GAS2L3: variants seen among roughly 807,000 people sequenced by gnomAD.
GAS2L3 encodes the protein growth arrest specific 2 like 3.
In GAS2L3, 28 loss-of-function variants were observed where a neutral mutation model predicts 37.0. That is an observed-to-expected ratio of 0.76 (90% CI 0.56 to 1.04). The LOEUF is 1.04. Among genes scored for constraint, GAS2L3 ranks in the 50% least tolerant of loss-of-function variants. The pLI, the probability that GAS2L3 is intolerant of heterozygous loss-of-function variation, is 0.00. For synonymous variants in GAS2L3, 290 were observed against 296.6 expected, an observed-to-expected ratio of 0.98 and a Z score of 0.23; for missense variants, 793 against 817.6, an observed-to-expected ratio of 0.97 and a Z score of 0.37.
At chr12:100,618,367 C>A in intron 7 of GAS2L3, 82 bp from the exon 8 acceptor site, 1 of 1,411,424 alleles carries the variant, frequency 7.1e-7, no homozygotes, top group Non-Finnish European at 9.6e-7. Context: ...GACTTTACTT[C>A]AGAAAGAAAA....
intron 8 of GAS2L3, among the ~76,000 whole-genome samples, chr12:100,621,224 C>G (rs1481373969): frequency 6.6e-6 from 1 of 151,866 alleles, no homozygotes; most frequent in Non-Finnish European, 1.5e-5. Context: ...TTTTGTGTGG[C>G]AATAATTGAG....
At chr12:100,613,281 C>T (rs908532095) in intron 6 of GAS2L3, among the ~76,000 whole-genome samples, 4 of 152,152 alleles carry the variant, frequency 2.6e-5, no homozygotes, top group Non-Finnish European at 5.9e-5. Context: ...AAAGCACTGC[C>T]AATACCAGTA....
At chr12:100,593,594 A>G (rs940698347) in intron 2 of GAS2L3, 1 of 152,122 alleles carries the variant, frequency 6.6e-6, no homozygotes, top group African/African-American at 2.4e-5. Context: ...TGGCAGCTCC[A>G]ACTGTTAAAG....
intron 1 of GAS2L3, among the ~76,000 whole-genome samples, chr12:100,586,204 A>C (rs1485050776): frequency 6.6e-6 from 1 of 152,226 alleles, no homozygotes; most frequent in East Asian, 1.9e-4. Context: ...ATGGATTTAA[A>C]CTATACCTTG....
chr12:100,583,164 C>T (rs1045299031), intron 1 of GAS2L3, among the ~76,000 whole-genome samples: 1 of 152,232 alleles, frequency 6.6e-6, no homozygotes. Context: ...ATAGGCAGAG[C>T]AGCTCTGCAT....
intron 7 of GAS2L3, 54 bp from the exon 8 acceptor site, chr12:100,618,395 G>T: frequency 6.5e-7 from 1 of 1,543,146 alleles, no homozygotes. Context: ...TGATATGCAG[G>T]CAAGTACTGG....
chr12:100,600,632 G>T, intron 4 of GAS2L3, 82 bp downstream of exon 4: 1 of 1,054,526 alleles, frequency 9.5e-7, no homozygotes, highest in South Asian at 1.3e-5. Flanking sequence ...GTCAAGGAGT[G>T]ATTGTTACAG....
intron 1 of GAS2L3, chr12:100,579,047 A>G (rs780358758): frequency 6.6e-6 from 5 of 757,388 alleles, no homozygotes; most frequent in Non-Finnish European, 1.2e-5. Flanking sequence ...TAACCAGTCT[A>G]TGGCCATGAC....
intron 1 of GAS2L3, chr12:100,579,100 G>A (rs573449671): frequency 1.4e-6 from 1 of 726,104 alleles, no homozygotes; most frequent in East Asian, 2.6e-5. Flanking sequence ...TATTTGTTCA[G>A]GAGAGAGTCA....
At chr12:100,585,704 A>G (rs180762371) in intron 1 of GAS2L3, among the ~76,000 whole-genome samples, 1 of 151,904 alleles carries the variant, frequency 6.6e-6, no homozygotes, top group Non-Finnish European at 1.5e-5. Flanking sequence ...CCTCTCCTTT[A>G]CCCCATCATC....
intron 1 of GAS2L3, chr12:100,579,284 A>G (rs1308022409): frequency 1.6e-6 from 1 of 624,168 alleles, no homozygotes; most frequent in African/African-American, 1.8e-5. Context: ...CACAAGCCGT[A>G]TCATTTGCGT....
chr12:100,575,302 T>A (rs1280500260), intron 1 of GAS2L3, among the ~76,000 whole-genome samples: 1 of 151,930 alleles, frequency 6.6e-6, no homozygotes, highest in East Asian at 1.9e-4. Context: ...ATAGGGATAA[T>A]TATTGTTTAT....
At position 100,623,777 on chromosome 12, in the gene GAS2L3, C is replaced by G. The variant is rs1956290073; in HGVS notation, c.972C>G (p.Asn324Lys). The change falls in exon 10 of 10, where the codon AAC (asparagine) becomes AAG (lysine). Residue 324 changes from asparagine to lysine, a missense_variant. By Grantham distance (94) the Asn-to-Lys change is moderately conservative. Transcript: ENST00000547754. ...PPEMNPLSAVNMFQKQNSKPS... is the reference protein window; with the variant it reads ...PPEMNPLSAVKMFQKQNSKPS... Reference sequence around the variant, plus strand: ...AAATGAATCCTTTGTCAGCAGTTAACATGTTTCAGAAACAAAATTCAAAAC... The same window carrying G: ...AAATGAATCCTTTGTCAGCAGTTAAGATGTTTCAGAAACAAAATTCAAAAC... The G allele has an allele frequency of 6.2e-7, 1 of 1,613,932 alleles. No individual in the cohort carries two copies. The highest frequency in any genetic ancestry group is 1.7e-5 in the Admixed American group (1 of 59,956).
In GAS2L3 at chr12:100,627,865, T is replaced by C. The variant is rs2136627087; in HGVS notation, c.*2975T>C. 6.6e-6 allele frequency: 1 copy of C among 152,318 alleles called. No individual in the cohort carries two copies. The highest frequency in any genetic ancestry group is 2.4e-5 in the African/African-American group (1 of 41,576). The allele number at this position is 152,318 out of a possible 1,614,324, so 9.4% of individuals were successfully genotyped here. ...TCAAAAAAATGGAAAATGCTTTTAT[T>C]TTATTTTCTATAATTTGTTAACATG... is the stretch of plus-strand genomic sequence containing the variant. On this transcript the variant is annotated 3_prime_UTR_variant, in exon 10 of 10. Transcript: ENST00000547754.
intron 5 of GAS2L3, among the ~76,000 whole-genome samples, chr12:100,607,386 A>G (rs1019957610): frequency 6.6e-6 from 1 of 151,930 alleles, no homozygotes; most frequent in Non-Finnish European, 1.5e-5. Context: ...AGTTTATTAA[A>G]TGTCTTGAGG....
At chr12:100,591,468 T>C (rs1275435538) in intron 1 of GAS2L3, among the ~76,000 whole-genome samples, 1 of 152,182 alleles carries the variant, frequency 6.6e-6, no homozygotes, top group Non-Finnish European at 1.5e-5. Flanking sequence ...ATTTTAAAGC[T>C]TTTACTCTCA....
chr12:100,624,122 C>T lies in GAS2L3; in HGVS notation c.1317C>T (p.Pro439=). 6.2e-7 allele frequency: 1 copy of T among 1,613,906 alleles called. No homozygotes were observed. Among genetic ancestry groups the T allele is most frequent in the Non-Finnish European group, 8.5e-7 (1 of 1,179,988 alleles). ...CACCGAGAAAATGTATTTCATCCCC[C>T]AATACCCCCAAGGCCAAGGTTATTC... ...SESPRKCISS[P]NTPKAKVIPA... Residue 439 remains proline, a synonymous_variant, in exon 10 of 10, where the codon CCC becomes CCT. Transcript: ENST00000547754.
chr12:100,602,809 C>A (rs1424249170), intron 5 of GAS2L3, among the ~76,000 whole-genome samples: 1 of 152,148 alleles, frequency 6.6e-6, no homozygotes, highest in Non-Finnish European at 1.5e-5. Context: ...CAACCCTTCC[C>A]AGCCTCTGCT....
intron 1 of GAS2L3, chr12:100,580,267 T>C (rs1955694403): frequency 2.2e-6 from 1 of 451,926 alleles, no homozygotes; most frequent in African/African-American, 2.0e-5. Flanking sequence ...AATAACCTGC[T>C]TTTTGGGGGC....
Sources: gnomAD v4.1 joint callset for allele counts (sites outside exome capture counted in the v4.1 genomes callset) on GRCh38, gnomAD v4.1.1 for gene constraint, MANE v1.5 for transcripts, NCBI Gene and HGNC (gene_info 2026-07-23, HGNC 2026-07-21) for gene names.